RABGAP1: variants seen among roughly 807,000 people sequenced by gnomAD.
RABGAP1 encodes RAB GTPase activating protein 1, also known as rab GTPase-activating protein 1.
Under a neutral mutation model 137.6 loss-of-function variants are expected in RABGAP1, and 23 were observed. The ratio of observed to expected loss-of-function variants is 0.17; its 90% CI spans 0.12 to 0.24. The LOEUF is 0.24. RABGAP1 is among the 10% of genes least tolerant of loss of function. The pLI, the probability that RABGAP1 is intolerant of heterozygous loss-of-function variation, is 1.00. For synonymous variants in RABGAP1, 451 were observed against 450.7 expected (o/e 1.00, Z -0.01); for missense variants, 906 against 1,275.8 (o/e 0.71, Z 4.42).
At chr9:123,054,580 G>C (rs1390512791) in intron 13 of RABGAP1, among the ~76,000 whole-genome samples, 1 of 151,984 alleles carries the variant, frequency 6.6e-6, no homozygotes, top group Non-Finnish European at 1.5e-5. Flanking sequence ...ACTCAATATT[G>C]AGATGTTGTT....
intron 23 of RABGAP1, among the ~76,000 whole-genome samples, 184 bp downstream of exon 23, chr9:123,098,982 G>C (rs985906830): frequency 1.3e-5 from 2 of 151,722 alleles, no homozygotes; most frequent in African/African-American, 4.8e-5. Context: ...AATCATCCCT[G>C]CCTAGGAAGG....
chr9:123,103,083 T>C lies in RABGAP1; in HGVS notation c.3088-8T>C, dbSNP rs1449470310. The C allele has an allele frequency of 5.6e-6, 9 of 1,613,322 alleles. No individual in the cohort carries two copies. Among genetic ancestry groups the C allele is most frequent in the Non-Finnish European group, 6.8e-6 (8 of 1,179,678 alleles). On this transcript the variant is annotated splice_polypyrimidine_tract_variant and splice_region_variant and intron_variant, in intron 25 of 25. Coordinates refer to ENST00000373647, the MANE Select transcript of RABGAP1 (RefSeq NM_012197.4). The stretch of plus-strand genomic sequence containing the variant: ...CCAGCATCCTCATGCACACTGTTCC[T>C]CTTGCAGGACTTGGAACACCATTTA...
At chr9:123,072,553 A>G (rs532273705) in intron 15 of RABGAP1, among the ~76,000 whole-genome samples, 1 of 152,294 alleles carries the variant, frequency 6.6e-6, no homozygotes, top group Admixed American at 6.5e-5. Context: ...GTGCTTGTTT[A>G]GAGTGAGGGG....
At chr9:122,977,662 C>T (rs1588202448) in intron 2 of RABGAP1, among the ~76,000 whole-genome samples, 1 of 151,960 alleles carries the variant, frequency 6.6e-6, no homozygotes, top group African/African-American at 2.4e-5. Flanking sequence ...GCAGAGATTG[C>T]GCCACTGTAC....
intron 13 of RABGAP1, among the ~76,000 whole-genome samples, chr9:123,049,467 A>G (rs1442873037): frequency 6.6e-6 from 1 of 152,224 alleles, no homozygotes; most frequent in African/African-American, 2.4e-5. Flanking sequence ...CTTCTGAGAA[A>G]TGATTTTGGA....
intron 18 of RABGAP1, 64 bp from the exon 19 acceptor site, chr9:123,076,570 A>G (rs1231505502): frequency 1.3e-6 from 2 of 1,516,376 alleles, no homozygotes; most frequent in East Asian, 4.8e-5. Flanking sequence ...TGAGAATATA[A>G]AAAACTTCTT....
intron 19 of RABGAP1, among the ~76,000 whole-genome samples, chr9:123,079,427 C>G (rs2034638088): frequency 6.6e-6 from 1 of 151,774 alleles, no homozygotes; most frequent in African/African-American, 2.4e-5. Flanking sequence ...TTGGTAGAGA[C>G]AGCGTTTCGC....
chr9:123,054,112 C>G (rs1186548095), intron 13 of RABGAP1, among the ~76,000 whole-genome samples: 1 of 152,194 alleles, frequency 6.6e-6, no homozygotes, highest in Non-Finnish European at 1.5e-5. Flanking sequence ...TTTTTATCTG[C>G]ACAATCTATT....
intron 13 of RABGAP1, among the ~76,000 whole-genome samples, chr9:123,033,005 G>C (rs143055273): frequency 6.6e-6 from 1 of 152,146 alleles, no homozygotes; most frequent in Non-Finnish European, 1.5e-5. Context: ...AAATTATAGC[G>C]TAGTGTCAAA....
intron 13 of RABGAP1, chr9:123,020,781 C>T (rs1205684675): frequency 1.5e-5 from 6 of 399,298 alleles, no homozygotes; most frequent in African/African-American, 2.2e-5. Flanking sequence ...TATTTTAATA[C>T]TTCTCACATT....
chr9:123,080,412 C>T (rs893110309), intron 19 of RABGAP1, among the ~76,000 whole-genome samples: 5 of 152,118 alleles, frequency 3.3e-5, no homozygotes, highest in Admixed American at 6.5e-5. Context: ...ACAGATTCAC[C>T]AGAACATAAG....
At chr9:123,077,686 ATTGTATT>A (rs1224428712) in intron 19 of RABGAP1, among the ~76,000 whole-genome samples, 2 of 116,108 alleles carry the variant, frequency 1.7e-5, no homozygotes, top group African/African-American at 7.0e-5. Flanking sequence ...ATTGTATTGT[ATTGTATT>A]TATTTTCTGT....
intron 13 of RABGAP1, among the ~76,000 whole-genome samples, chr9:123,061,375 A>C (rs1588357965): frequency 6.6e-6 from 1 of 152,212 alleles, no homozygotes; most frequent in Middle Eastern, 3.2e-3. Flanking sequence ...TCGGCCTCCC[A>C]AAGTGCTAGG....
chr9:123,067,738 A>T (rs557970242), intron 14 of RABGAP1, among the ~76,000 whole-genome samples: 93 of 152,310 alleles, frequency 6.1e-4, no homozygotes, highest in African/African-American at 2.2e-3. Context: ...AGTGTTGATG[A>T]ATTAGTGAAA....
intron 4 of RABGAP1, among the ~76,000 whole-genome samples, chr9:122,989,007 C>T (rs1024770226): frequency 1.4e-5 from 2 of 147,606 alleles, no homozygotes; most frequent in African/African-American, 2.5e-5. Flanking sequence ...ACGTATTAAT[C>T]GTCTTTATTT....
At chr9:123,082,833 CAG>C (rs766162954) in intron 19 of RABGAP1, among the ~76,000 whole-genome samples, 1 of 152,200 alleles carries the variant, frequency 6.6e-6, no homozygotes, top group African/African-American at 2.4e-5. Context: ...TTTGGAGAAA[CAG>C]AAAACTCTTC....
chr9:122,966,969 T>C (rs1835191757), intron 2 of RABGAP1, among the ~76,000 whole-genome samples: 1 of 152,196 alleles, frequency 6.6e-6, no homozygotes, highest in Admixed American at 6.5e-5. Context: ...CCTGCCTCCA[T>C]GATTTAATTA....
In RABGAP1 at chr9:123,103,410, C is replaced by A; in HGVS notation, c.*197C>A. Reference sequence around the variant, plus strand: ...GGGTAAGACTACTGATACTAACAGGCCTGCTAGCTCAGCCGACGCTCTGGA... The same window carrying A: ...GGGTAAGACTACTGATACTAACAGGACTGCTAGCTCAGCCGACGCTCTGGA... On this transcript the variant is annotated 3_prime_UTR_variant, in exon 26 of 26. Coordinates refer to ENST00000373647, the MANE Select transcript of RABGAP1 (RefSeq NM_012197.4). 7.0e-6 allele frequency: 5 copies of A among 714,098 alleles called. No homozygotes were observed. Among genetic ancestry groups the A allele is most frequent in the African/African-American group, 1.8e-5 (1 of 54,934 alleles). 44.2% of individuals were successfully genotyped at this position (714,098 alleles called of 1,614,324 possible).
At chr9:122,966,207 A>G (rs146257597) in intron 2 of RABGAP1, among the ~76,000 whole-genome samples, 22 of 152,314 alleles carry the variant, frequency 1.4e-4, no homozygotes, top group African/African-American at 4.8e-4. Context: ...GCTGCCATCA[A>G]TAGTATTTAC....
Sources: gnomAD v4.1 joint callset for allele counts (sites outside exome capture counted in the v4.1 genomes callset) on GRCh38, gnomAD v4.1.1 for gene constraint, MANE v1.5 for transcripts, NCBI Gene and HGNC (gene_info 2026-07-23, HGNC 2026-07-21) for gene names.